Variants in PRKACA observed in about 807,000 individuals in gnomAD.
PRKACA encodes the protein protein kinase cAMP-activated catalytic subunit alpha.
A neutral mutation model predicts 45.8 loss-of-function variants in PRKACA; 9 were observed. That is an observed-to-expected ratio of 0.20 (90% CI 0.12 to 0.34). The LOEUF (loss-of-function observed/expected upper bound fraction) is 0.34. PRKACA is among the 10% of genes least tolerant of loss of function. PRKACA has a pLI of 1.00. For missense variants in PRKACA, 238 were observed against 458.6 expected (o/e 0.52, Z 4.39); for synonymous variants, 160 against 178.6 (o/e 0.90, Z 0.83).
At chr19:14,096,901 C>T (rs775331476) in intron 8 of PRKACA, 11 of 282,838 alleles carry the variant, frequency 3.9e-5, no homozygotes, top group Middle Eastern at 1.3e-3. Context: ...CTCATCTGAA[C>T]CCTCAGAGTT....
intron 1 of PRKACA, among the ~76,000 whole-genome samples, chr19:14,108,821 A>G (rs1282983588): frequency 2.1e-5 from 3 of 141,818 alleles, no homozygotes; most frequent in Non-Finnish European, 4.6e-5. Flanking sequence ...TCCGCCTCCC[A>G]GGTTCAGATG....
At chr19:14,094,646 A>AG (rs1977191824) in intron 8 of PRKACA, among the ~76,000 whole-genome samples, 1 of 152,196 alleles carries the variant, frequency 6.6e-6, no homozygotes, top group African/African-American at 2.4e-5. Flanking sequence ...GGTCACATTG[A>AG]GGTGTGTGAT....
At chr19:14,114,179 C>A (rs1338936942) in intron 1 of PRKACA, 2 of 1,609,100 alleles carry the variant, frequency 1.2e-6, no homozygotes, top group Non-Finnish European at 1.7e-6. Context: ...TCTCAGGGCA[C>A]CGGCACTACG....
intron 1 of PRKACA, chr19:14,107,849 G>T: frequency 2.0e-6 from 2 of 994,368 alleles, no homozygotes; most frequent in East Asian, 1.1e-4. Context: ...CCCTTGGGGG[G>T]CTCAGCTGTC....
At chr19:14,095,038 G>A (rs1230394885) in intron 8 of PRKACA, among the ~76,000 whole-genome samples, 1 of 152,226 alleles carries the variant, frequency 6.6e-6, no homozygotes, top group African/African-American at 2.4e-5. Context: ...CTGCACGAGG[G>A]AGATAATACC....
chr19:14,098,845 GGAATTT>G (rs1977351375), intron 5 of PRKACA, among the ~76,000 whole-genome samples: 2 of 151,688 alleles, frequency 1.3e-5, no homozygotes, highest in South Asian at 4.2e-4. Flanking sequence ...GGGATTCAAG[GGAATTT>G]TCTTAGGTGA....
chr19:14,095,260 T>G, intron 8 of PRKACA, among the ~76,000 whole-genome samples: 1 of 151,432 alleles, frequency 6.6e-6, no homozygotes, highest in Admixed American at 6.6e-5. Context: ...AACCTCTGCC[T>G]CCCGGTTTCA....
intron 1 of PRKACA, chr19:14,108,441 T>A (rs1977677697): frequency 6.6e-6 from 1 of 152,406 alleles, no homozygotes; most frequent in African/African-American, 2.4e-5. Flanking sequence ...GGAGTCTCCC[T>A]CTGTCGCCCA....
intron 4 of PRKACA, among the ~76,000 whole-genome samples, chr19:14,102,498 ACC>A (rs1476761797): frequency 1.3e-5 from 2 of 152,072 alleles, no homozygotes; most frequent in Non-Finnish European, 2.9e-5. Context: ...TGGGAAATGA[ACC>A]CCGGCTGCCT....
chr19:14,115,396 C>T (rs2144498230), intron 1 of PRKACA, among the ~76,000 whole-genome samples: 1 of 152,116 alleles, frequency 6.6e-6, no homozygotes, highest in African/African-American at 2.4e-5. Context: ...ATGTCAAAGT[C>T]GGGGAATTCT....
intron 4 of PRKACA, among the ~76,000 whole-genome samples, chr19:14,101,972 T>C (rs1294285884): frequency 1.3e-5 from 2 of 152,166 alleles, no homozygotes; most frequent in African/African-American, 4.8e-5. Context: ...AAGACCAGCC[T>C]GAGCAACATG....
Position 14,097,487 on chromosome 19 carries a change from G to A in PRKACA, c.643-4C>T. Reference sequence around the variant, plus strand: ...AGTCCACGGCCTTGTTGTAGCCCTGGAGCAAGATGGGGGGGCACAGGGTGA... The same window carrying A: ...AGTCCACGGCCTTGTTGTAGCCCTGAAGCAAGATGGGGGGGCACAGGGTGA... On this transcript the variant is annotated splice_region_variant and splice_polypyrimidine_tract_variant and intron_variant, in intron 7 of 9. Transcript: ENST00000308677. This position sits in a 1 kb window ranked among gnomAD's most constrained non-coding sequence, Gnocchi z 5.4. 6.2e-7 allele frequency: 1 copy of A among 1,614,048 alleles called. No homozygotes were observed. Among genetic ancestry groups the A allele is most frequent in the Non-Finnish European group, 8.5e-7 (1 of 1,180,014 alleles).
chr19:14,097,292 G>A lies in PRKACA; in HGVS notation c.765+69C>T. ...TTCTGACAACAAGCAGGGCTCCCCAGGGAATAGGATGGGTGAGCAGGGAAC... is the reference window on the plus strand; with the variant it reads ...TTCTGACAACAAGCAGGGCTCCCCAAGGAATAGGATGGGTGAGCAGGGAAC... On this transcript the variant is annotated intron_variant, in intron 8 of 9. Transcript: ENST00000308677. The surrounding 1 kb of genome is among the most constrained non-coding windows in gnomAD (Gnocchi z 5.4). 1 of 1,605,572 alleles carries A rather than the reference G, an allele frequency of 6.2e-7. No individual in the cohort carries two copies. The highest frequency in any genetic ancestry group is 2.2e-5 in the East Asian group (1 of 44,820).
intron 5 of PRKACA, among the ~76,000 whole-genome samples, chr19:14,099,223 C>G (rs140403325): frequency 5.9e-5 from 9 of 152,210 alleles, no homozygotes; most frequent in African/African-American, 2.2e-4. Flanking sequence ...ACCCGGGAGG[C>G]AGAGTTTGCA....
Position 14,093,602 on chromosome 19 carries a change from A to G in PRKACA, c.930+26T>C, listed in dbSNP as rs773722062. 5.0e-6 allele frequency: 8 copies of G among 1,604,462 alleles called. No individual in the cohort carries two copies. In the Admixed American group the frequency reaches 1.2e-4, roughly 24 times the overall value. On this transcript the variant is annotated intron_variant, in intron 9 of 9. Coordinates refer to ENST00000308677, the MANE Select transcript of PRKACA (RefSeq NM_002730.4). ...ACTCTTGGCCTGCTCCCAAACCCTC[A>G]GCAGGCTTAAGGAGGGGAGGCCCAC...
Position 14,092,578 on chromosome 19 carries a change from T to A in PRKACA, c.*534A>T, listed in dbSNP as rs533644410. ...ATAAGATTTTAAATTGTTGTTTTTT[T>A]AAAAAAATTCTAGCAAGCAACCCAC... On this transcript the variant is annotated 3_prime_UTR_variant, in exon 10 of 10. Coordinates refer to ENST00000308677, the MANE Select transcript of PRKACA (RefSeq NM_002730.4). 2.9e-4 allele frequency: 117 copies of A among 398,672 alleles called. 1 individual carries two copies. Among genetic ancestry groups the A allele is most frequent in the African/African-American group, 1.7e-3 (81 of 48,664 alleles). The allele number at this position is 398,672 out of a possible 1,614,324, so 24.7% of individuals were successfully genotyped here.
intron 1 of PRKACA, among the ~76,000 whole-genome samples, chr19:14,109,364 C>T (rs970251580): frequency 1.3e-5 from 2 of 151,654 alleles, no homozygotes; most frequent in African/African-American, 4.8e-5. Flanking sequence ...AGGAGAATCG[C>T]TTCGACCCGG....
rs577814369 is a variant in PRKACA at position 14,093,615 on chromosome 19, A to G, written c.930+13T>C. On this transcript the variant is annotated intron_variant, in intron 9 of 9. Transcript: ENST00000308677. ...TCCCAAACCCTCAGCAGGCTTAAGG[A>G]GGGGAGGCCCACCTTCCTCTGGTAG... The G allele has an allele frequency of 6.2e-7, 1 of 1,610,272 alleles. No homozygotes were observed. The highest frequency in any genetic ancestry group is 2.2e-5 in the East Asian group (1 of 44,876).
Position 14,097,174 on chromosome 19 carries a change from G to T in PRKACA, c.765+187C>A. On this transcript the variant is annotated intron_variant, in intron 8 of 9. Coordinates refer to ENST00000308677, the MANE Select transcript of PRKACA (RefSeq NM_002730.4). The surrounding 1 kb of genome is among the most constrained non-coding windows in gnomAD (Gnocchi z 5.4). ...TGGGATTCTGGAACCGCGGGGTTGG[G>T]GCTGGACAGCAAGGGGGCTTGAGGT... 1 of 860,224 alleles carries T rather than the reference G, an allele frequency of 1.2e-6. No individual in the cohort carries two copies. The highest frequency in any genetic ancestry group is 1.8e-6 in the Non-Finnish European group (1 of 554,666). 53.3% of individuals were successfully genotyped at this position (860,224 alleles called of 1,614,324 possible).
Sources: allele counts gnomAD v4.1 joint callset (sites outside exome capture counted in the v4.1 genomes callset), GRCh38; gene constraint gnomAD v4.1.1; non-coding constraint Gnocchi (gnomAD v3.1); transcripts MANE v1.5; gene names NCBI Gene and HGNC (gene_info 2026-07-23, HGNC 2026-07-21).